Variants in CTNNA3 observed in about 807,000 individuals in gnomAD.
The protein encoded by CTNNA3 is catenin alpha 3.
In CTNNA3, 76 loss-of-function variants were observed where a neutral mutation model predicts 95.7. That is an observed-to-expected ratio of 0.79 (90% CI 0.66 to 0.96). CTNNA3 has a LOEUF of 0.96. Among genes scored for constraint, CTNNA3 ranks in the 40% least tolerant of loss-of-function variants. The pLI, the probability that CTNNA3 is intolerant of heterozygous loss-of-function variation, is 0.00. For synonymous variants in CTNNA3, 431 were observed against 374.4 expected (o/e 1.15, Z -1.74); for missense variants, 1,191 against 1,089.8 (o/e 1.09, Z -1.31).
intron 5 of CTNNA3, among the ~76,000 whole-genome samples, chr10:67,500,341 T>C (rs1223146780): frequency 6.6e-6 from 1 of 152,266 alleles, no homozygotes; most frequent in Non-Finnish European, 1.5e-5. Flanking sequence ...AGGAGTGTTT[T>C]ACTTCCAATT....
chr10:66,853,388 T>G (rs1385205535), intron 7 of CTNNA3, among the ~76,000 whole-genome samples: 2 of 152,128 alleles, frequency 1.3e-5, no homozygotes, highest in Non-Finnish European at 2.9e-5. Context: ...TAACTCTCTT[T>G]TATGTGCAAT....
intron 6 of CTNNA3, among the ~76,000 whole-genome samples, chr10:67,191,199 T>C (rs1054051446): frequency 2.6e-5 from 4 of 151,920 alleles, no homozygotes; most frequent in African/African-American, 9.7e-5. Flanking sequence ...AAATTAAACA[T>C]ATTGTCCCAC....
intron 15 of CTNNA3, among the ~76,000 whole-genome samples, chr10:66,055,396 C>T (rs58913875): frequency 6.6e-6 from 1 of 152,090 alleles, no homozygotes; most frequent in Admixed American, 6.6e-5. Flanking sequence ...CAATTTCTTT[C>T]ATCAATGTTT....
chr10:66,766,510 T>C, intron 8 of CTNNA3, 94 bp from the exon 9 acceptor site: 1 of 1,145,990 alleles, frequency 8.7e-7, no homozygotes. Context: ...ACAACTCATT[T>C]TTCATTTTTG....
At chr10:66,740,241 C>G (rs1409881502) in intron 9 of CTNNA3, among the ~76,000 whole-genome samples, 1 of 152,194 alleles carries the variant, frequency 6.6e-6, no homozygotes, top group Non-Finnish European at 1.5e-5. Context: ...AAGAATACCA[C>G]CATGTACTTT....
chr10:66,449,971 TATC>T (rs1564975857), intron 11 of CTNNA3, among the ~76,000 whole-genome samples: 1 of 152,158 alleles, frequency 6.6e-6, no homozygotes, highest in South Asian at 2.1e-4. Context: ...AAAATTAAGT[TATC>T]ATATTCTCCA....
At chr10:66,915,446 A>C in intron 7 of CTNNA3, among the ~76,000 whole-genome samples, 1 of 152,046 alleles carries the variant, frequency 6.6e-6, no homozygotes, top group South Asian at 2.1e-4. Context: ...GGACTAAAAA[A>C]CTTAGACATG....
chr10:66,873,450 C>T (rs1409674692), intron 7 of CTNNA3, among the ~76,000 whole-genome samples: 2 of 151,698 alleles, frequency 1.3e-5, no homozygotes, highest in South Asian at 4.2e-4. Flanking sequence ...TTTTGATTTG[C>T]ATTTCTCTGA....
chr10:67,248,047 G>T (rs757401113), intron 5 of CTNNA3, among the ~76,000 whole-genome samples: 1 of 152,184 alleles, frequency 6.6e-6, no homozygotes, highest in Non-Finnish European at 1.5e-5. Context: ...CAGGCCTCGT[G>T]CAGTGGCTCA....
intron 5 of CTNNA3, among the ~76,000 whole-genome samples, chr10:67,233,016 C>T (rs1289916436): frequency 6.6e-6 from 1 of 152,156 alleles, no homozygotes; most frequent in Non-Finnish European, 1.5e-5. Flanking sequence ...TAAAGCAAGT[C>T]CTGAGTGACC....
chr10:66,133,003 C>G (rs1438566219), intron 13 of CTNNA3, among the ~76,000 whole-genome samples: 2 of 151,998 alleles, frequency 1.3e-5, no homozygotes, highest in African/African-American at 4.8e-5. Flanking sequence ...CCCCGTGACA[C>G]AGGTTTACCT....
intron 9 of CTNNA3, among the ~76,000 whole-genome samples, chr10:66,752,713 A>G (rs183388112): frequency 1.3e-5 from 2 of 152,306 alleles, no homozygotes; most frequent in East Asian, 3.9e-4. Context: ...ATACATAAAC[A>G]ACTTTTAAAC....
chr10:66,997,974 T>C (rs898120730), intron 7 of CTNNA3, among the ~76,000 whole-genome samples: 1 of 152,182 alleles, frequency 6.6e-6, no homozygotes, highest in Non-Finnish European at 1.5e-5. Flanking sequence ...TCATCATTCA[T>C]CACTTGGATT....
chr10:66,843,892 T>C, intron 7 of CTNNA3, among the ~76,000 whole-genome samples: 1 of 152,264 alleles, frequency 6.6e-6, no homozygotes, highest in Non-Finnish European at 1.5e-5. Flanking sequence ...AAATATTCTA[T>C]ATTCACTAAC....
chr10:67,653,812 A>G (rs1039076709), intron 1 of CTNNA3, among the ~76,000 whole-genome samples: 12 of 152,092 alleles, frequency 7.9e-5, no homozygotes, highest in African/African-American at 2.9e-4. Flanking sequence ...CCATGGGGCC[A>G]AGATGATGCA....
intron 13 of CTNNA3, among the ~76,000 whole-genome samples, chr10:66,200,286 C>G (rs2087314033): frequency 6.6e-6 from 1 of 151,540 alleles, no homozygotes; most frequent in African/African-American, 2.4e-5. Flanking sequence ...ACCAGGGGAA[C>G]AGTGTTTCAT....
chr10:66,853,447 T>A (rs1164739073), intron 7 of CTNNA3, among the ~76,000 whole-genome samples: 1 of 152,158 alleles, frequency 6.6e-6, no homozygotes, highest in African/African-American at 2.4e-5. Context: ...TCCCAGAACA[T>A]GCAAGCACAT....
At chr10:66,495,065 C>A (rs1359129089) in intron 11 of CTNNA3, among the ~76,000 whole-genome samples, 1 of 152,116 alleles carries the variant, frequency 6.6e-6, no homozygotes, top group Non-Finnish European at 1.5e-5. Context: ...GCCAACCCAC[C>A]AATCAGTGCC....
chr10:66,136,240 T>A lies in CTNNA3; in HGVS notation c.1885-32991A>T, dbSNP rs528656847. On this transcript the variant is annotated intron_variant, in intron 13 of 17. Transcript: ENST00000433211. ...TACAAATAACATATAATACTCTTTA[T>A]TGTAAACTGCATATAATAAATCAAT... Among the ~76,000 whole-genome samples, 324 of 152,364 alleles carry A rather than the reference T, an allele frequency of 2.1e-3. 2 individuals are homozygous for A. The highest frequency in any genetic ancestry group is 7.2e-3 in the African/African-American group (301 of 41,592).
Sources: allele counts gnomAD v4.1 joint callset (sites outside exome capture counted in the v4.1 genomes callset), GRCh38; gene constraint gnomAD v4.1.1; transcripts MANE v1.5; gene names NCBI Gene and HGNC (gene_info 2026-07-23, HGNC 2026-07-21).